CDH8: variants seen among roughly 807,000 people sequenced by gnomAD.
The protein encoded by CDH8 is cadherin 8, also known as cadherin-8.
CDH8 carries 17 observed loss-of-function variants against 68.1 expected under a neutral mutation model. The observed-to-expected ratio is 0.25, with a 90% CI of 0.17 to 0.37. The LOEUF is 0.37. Among genes scored for constraint, CDH8 ranks in the 10% least tolerant of loss-of-function variants. CDH8 has a pLI of 1.00. For synonymous variants in CDH8, 372 were observed against 365.1 expected (o/e 1.02, Z -0.21); for missense variants, 763 against 999.3 (o/e 0.76, Z 3.19).
At chr16:61,901,566 T>C (rs1963974044) in intron 2 of CDH8, 93 bp from the exon 3 acceptor site, 1 of 828,866 alleles carries the variant, frequency 1.2e-6, no homozygotes, top group Middle Eastern at 2.4e-4. Context: ...TGGTTCTTTT[T>C]ACATAACATC....
At chr16:61,696,069 A>G (rs1004242274) in intron 10 of CDH8, among the ~76,000 whole-genome samples, 1 of 152,202 alleles carries the variant, frequency 6.6e-6, no homozygotes, top group African/African-American at 2.4e-5. Context: ...ATGTAATGCA[A>G]TGTAAGTCAC....
At chr16:61,875,767 C>T (rs917914786) in intron 3 of CDH8, among the ~76,000 whole-genome samples, 7 of 152,116 alleles carry the variant, frequency 4.6e-5, no homozygotes, top group South Asian at 4.1e-4. Flanking sequence ...TATCAGTAAG[C>T]GTATAACTCA....
At chr16:61,963,185 C>A (rs1227659460) in intron 2 of CDH8, among the ~76,000 whole-genome samples, 2 of 152,196 alleles carry the variant, frequency 1.3e-5, no homozygotes, top group Non-Finnish European at 2.9e-5. Context: ...GAAAGCAAAG[C>A]AAGGAATGAT....
chr16:61,846,827 C>T (rs1423424147), intron 4 of CDH8, among the ~76,000 whole-genome samples: 1 of 151,952 alleles, frequency 6.6e-6, no homozygotes, highest in Non-Finnish European at 1.5e-5. Context: ...GAGTTACATT[C>T]CACTGTAATA....
At chr16:61,871,346 A>ATT (rs530929490) in intron 3 of CDH8, among the ~76,000 whole-genome samples, 3 of 140,582 alleles carry the variant, frequency 2.1e-5, no homozygotes, top group African/African-American at 2.6e-5. Flanking sequence ...ACCATGGCAG[A>ATT]TTTTTTTTTT....
At chr16:61,746,556 A>ACACAC (rs1960027163) in intron 8 of CDH8, among the ~76,000 whole-genome samples, 4 of 140,206 alleles carry the variant, frequency 2.9e-5, no homozygotes, top group South Asian at 2.4e-4. Flanking sequence ...ATTCCCCCCC[A>ACACAC]ACACACACAC....
intron 1 of CDH8, 38 bp from the exon 2 acceptor site, chr16:62,021,640 C>A: frequency 2.6e-6 from 3 of 1,171,936 alleles, no homozygotes; most frequent in Non-Finnish European, 3.3e-6. Context: ...AGGGTCTACT[C>A]AAACTGGTTT....
At chr16:61,788,645 A>G (rs991288887) in intron 8 of CDH8, among the ~76,000 whole-genome samples, 3 of 152,034 alleles carry the variant, frequency 2.0e-5, no homozygotes, top group African/African-American at 7.2e-5. Flanking sequence ...GCTATTGTTT[A>G]GAGACTCCAT....
intron 2 of CDH8, among the ~76,000 whole-genome samples, chr16:61,923,512 G>A (rs1331383202): frequency 2.0e-5 from 3 of 151,944 alleles, no homozygotes; most frequent in African/African-American, 7.2e-5. Context: ...ATGACCACAG[G>A]AAAGTCAAAT....
At chr16:61,787,187 C>G (rs1961246010) in intron 8 of CDH8, among the ~76,000 whole-genome samples, 2 of 151,820 alleles carry the variant, frequency 1.3e-5, no homozygotes, top group South Asian at 2.1e-4. Context: ...TCGCAACCTA[C>G]TCATCTGACA....
intron 8 of CDH8, among the ~76,000 whole-genome samples, chr16:61,781,470 A>C (rs1961053276): frequency 6.6e-6 from 1 of 152,084 alleles, no homozygotes. Flanking sequence ...AAAAAACTAC[A>C]ATTAGCCAGG....
chr16:61,845,965 A>G (rs1962798112), intron 4 of CDH8, among the ~76,000 whole-genome samples: 2 of 152,146 alleles, frequency 1.3e-5, no homozygotes, highest in African/African-American at 4.8e-5. Context: ...GGGGAAAAAA[A>G]GGTAAGCCTA....
intron 2 of CDH8, among the ~76,000 whole-genome samples, chr16:62,002,336 T>C (rs1965906672): frequency 6.6e-6 from 1 of 152,182 alleles, no homozygotes; most frequent in Non-Finnish European, 1.5e-5. Flanking sequence ...CAGAAAAGTT[T>C]AGGATTGAAA....
chr16:61,708,895 A>G (rs897398363), intron 10 of CDH8, among the ~76,000 whole-genome samples: 10 of 152,206 alleles, frequency 6.6e-5, no homozygotes, highest in Non-Finnish European at 2.9e-5. Flanking sequence ...GTAATAGTAG[A>G]CAACTTACAT....
At chr16:61,955,242 T>C (rs1444964634) in intron 2 of CDH8, among the ~76,000 whole-genome samples, 1 of 152,222 alleles carries the variant, frequency 6.6e-6, no homozygotes, top group Non-Finnish European at 1.5e-5. Flanking sequence ...TAAAGATTTC[T>C]CTATATATAA....
At chr16:61,678,355 T>G (rs533148389) in intron 10 of CDH8, among the ~76,000 whole-genome samples, 320 of 152,108 alleles carry the variant, frequency 2.1e-3, no homozygotes, top group Non-Finnish European at 3.7e-3. Context: ...TTCAAATATT[T>G]TACAGAGTTT....
intron 2 of CDH8, among the ~76,000 whole-genome samples, chr16:61,903,515 G>C (rs941676502): frequency 2.0e-5 from 3 of 152,040 alleles, no homozygotes; most frequent in African/African-American, 7.2e-5. Flanking sequence ...AGTAGAGACA[G>C]GGTTTCACTG....
chr16:61,825,542 C>G (rs547785634), intron 4 of CDH8, among the ~76,000 whole-genome samples: 1 of 151,956 alleles, frequency 6.6e-6, no homozygotes, highest in Non-Finnish European at 1.5e-5. Flanking sequence ...CAATTTATCA[C>G]AGATCTCAAT....
intron 10 of CDH8, among the ~76,000 whole-genome samples, chr16:61,666,394 T>C (rs1567411120): frequency 6.6e-6 from 1 of 152,004 alleles, no homozygotes; most frequent in East Asian, 1.9e-4. Flanking sequence ...CACATATTTT[T>C]TAGATAGAAT....
Sources: allele counts gnomAD v4.1 joint callset (sites outside exome capture counted in the v4.1 genomes callset), GRCh38; gene constraint gnomAD v4.1.1; transcripts MANE v1.5; gene names NCBI Gene and HGNC (gene_info 2026-07-23, HGNC 2026-07-21).